VOPP1: variants seen among roughly 807,000 people sequenced by gnomAD.
VOPP1 encodes WW domain binding protein VOPP1.
In VOPP1, 8 loss-of-function variants were observed where a neutral mutation model predicts 23.5. That is an observed-to-expected ratio of 0.34 (90% confidence interval 0.20 to 0.61). The LOEUF is 0.61. Ranked by LOEUF, VOPP1 falls within the 20% of genes least tolerant of loss-of-function variation. The pLI is 0.78. For missense variants in VOPP1, 174 were observed against 238.1 expected, an observed-to-expected ratio of 0.73 and a Z score of 1.77; for synonymous variants, 83 against 97.3, an observed-to-expected ratio of 0.85 and a Z score of 0.86.
downstream of VOPP1, among the ~76,000 whole-genome samples, chr7:55,466,862 C>T (rs1791643955): frequency 6.6e-6 from 1 of 152,168 alleles, no homozygotes; most frequent in African/African-American, 2.4e-5. Flanking sequence ...GTGATGCCAA[C>T]AGCCCACCTC....
At chr7:55,506,828 G>A (rs1234848826) in intron 2 of VOPP1, among the ~76,000 whole-genome samples, 2 of 152,162 alleles carry the variant, frequency 1.3e-5, no homozygotes, top group Admixed American at 6.5e-5. Flanking sequence ...TAGTAGAGAC[G>A]GGGTTTACCC....
chr7:55,567,470 A>T (rs757728023), intron 1 of VOPP1, among the ~76,000 whole-genome samples: 1 of 152,226 alleles, frequency 6.6e-6, no homozygotes, highest in Non-Finnish European at 1.5e-5. Flanking sequence ...TGATAGAGTG[A>T]GTTCTAGGAA....
intron 4 of VOPP1, among the ~76,000 whole-genome samples, chr7:55,443,128 AAAAT>A (rs1241876003): frequency 2.6e-5 from 4 of 152,180 alleles, no homozygotes; most frequent in Admixed American, 6.5e-5. Flanking sequence ...CAAAAAAATA[AAAAT>A]AAATAAACTA....
intron 1 of VOPP1, among the ~76,000 whole-genome samples, chr7:55,525,870 C>A (rs939345925): frequency 2.0e-5 from 3 of 151,196 alleles, no homozygotes; most frequent in Admixed American, 2.0e-4. Context: ...AGGTTTTATG[C>A]CCACTCTGAA....
chr7:55,523,209 G>A (rs995897536), intron 1 of VOPP1, among the ~76,000 whole-genome samples: 4 of 152,172 alleles, frequency 2.6e-5, no homozygotes, highest in Non-Finnish European at 4.4e-5. Flanking sequence ...CCAAGATACA[G>A]TGTTAGTGAA....
At chr7:55,570,991 T>C (rs1003314322) in intron 1 of VOPP1, among the ~76,000 whole-genome samples, 59 of 152,114 alleles carry the variant, frequency 3.9e-4, no homozygotes, top group African/African-American at 1.4e-3. Context: ...ATTGCAAGTA[T>C]AGGTACACAC....
chr7:55,521,233 C>T, intron 1 of VOPP1, 103 bp from the exon 2 acceptor site: 6 of 1,218,082 alleles, frequency 4.9e-6, no homozygotes, highest in Non-Finnish European at 7.0e-6. Context: ...CACAGCTTAA[C>T]CCATGAAAAG....
chr7:55,508,747 C>G (rs1794887702), intron 2 of VOPP1, among the ~76,000 whole-genome samples: 1 of 150,820 alleles, frequency 6.6e-6, no homozygotes, highest in Non-Finnish European at 1.5e-5. Flanking sequence ...ATGTCTCTTT[C>G]AGAAACAGTT....
At chr7:55,556,644 C>CT (rs970495803) in intron 1 of VOPP1, among the ~76,000 whole-genome samples, 3 of 151,262 alleles carry the variant, frequency 2.0e-5, no homozygotes, top group Non-Finnish European at 2.9e-5. Flanking sequence ...GAACCCCCCC[C>CT]CAAAACACTT....
rs780340196 is a variant in VOPP1, at chr7:55,497,569, G to A, written c.191+44C>T. ...ACAACACTGATGGGGGGGGGGGGGG[G>A]GCAGAGCTCTCGGGGTAGGGAACAA... On this transcript the variant is annotated intron_variant, in intron 3 of 4. Coordinates refer to ENST00000285279, the MANE Select transcript of VOPP1 (RefSeq NM_030796.5). 1.1e-4 allele frequency: 119 copies of A among 1,132,418 alleles called. No homozygotes were observed. In the African/African-American group the frequency reaches 1.6e-3, roughly 16 times the overall value. The allele number at this position is 1,132,418 out of a possible 1,614,324, so 70.1% of individuals were successfully genotyped here. A position where few individuals can be genotyped will look rare whatever the true frequency, so the allele number is the denominator to read the frequency against.
intron 2 of VOPP1, among the ~76,000 whole-genome samples, chr7:55,507,185 T>C (rs1294744963): frequency 6.6e-6 from 1 of 152,162 alleles, no homozygotes; most frequent in East Asian, 1.9e-4. Flanking sequence ...CTGTGGAAAG[T>C]AGTGGCTCTC....
At chr7:55,470,142 G>A (rs1228508552), downstream of VOPP1, among the ~76,000 whole-genome samples, 5 of 152,226 alleles carry the variant, frequency 3.3e-5, no homozygotes, top group African/African-American at 1.2e-4. Context: ...GCTGGGGTAG[G>A]AGAATTGCTT....
chr7:55,465,590 T>A (rs1397836856), intron 4 of VOPP1, among the ~76,000 whole-genome samples: 1 of 152,238 alleles, frequency 6.6e-6, no homozygotes, highest in Non-Finnish European at 1.5e-5. Flanking sequence ...GTGCTTCAAC[T>A]TCTCAAGGAA....
At chr7:55,527,875 T>C (rs1445253031) in intron 1 of VOPP1, among the ~76,000 whole-genome samples, 3 of 152,078 alleles carry the variant, frequency 2.0e-5, no homozygotes, top group African/African-American at 7.2e-5. Context: ...ATTACAATAG[T>C]ATGGTTTTTA....
intron 1 of VOPP1, among the ~76,000 whole-genome samples, chr7:55,547,819 C>A (rs1797432194): frequency 6.6e-6 from 1 of 152,266 alleles, no homozygotes; most frequent in East Asian, 1.9e-4. Context: ...AGATCTTTTC[C>A]ATTTTACCAC....
chr7:55,471,956 G>A lies in VOPP1; in HGVS notation c.*899C>T, dbSNP rs575804440. 5.2e-5 allele frequency: 8 copies of A among 152,392 alleles called. No homozygotes were observed. The highest frequency in any genetic ancestry group is 1.0e-4 in the Non-Finnish European group (7 of 68,144). The allele number at this position is 152,392 out of a possible 1,614,324, so 9.4% of individuals were successfully genotyped here. A position where few individuals can be genotyped will look rare whatever the true frequency, so the allele number is the denominator to read the frequency against. The stretch of plus-strand genomic sequence containing the variant: ...CCACTGGAGCTGCCTGAGGGAAGGA[G>A]ACCCCCGGGCCTGAGAATGCCCTGG... On this transcript the variant is annotated 3_prime_UTR_variant, in exon 5 of 5. Coordinates refer to ENST00000285279, the MANE Select transcript of VOPP1 (RefSeq NM_030796.5).
chr7:55,515,057 C>T (rs557004168), intron 2 of VOPP1, among the ~76,000 whole-genome samples: 1 of 152,196 alleles, frequency 6.6e-6, no homozygotes, highest in African/African-American at 2.4e-5. Flanking sequence ...CAGGCACGCC[C>T]TGTCACCTCC....
At chr7:55,494,475 A>G (rs1269354937) in intron 3 of VOPP1, among the ~76,000 whole-genome samples, 1 of 152,142 alleles carries the variant, frequency 6.6e-6, no homozygotes, top group Non-Finnish European at 1.5e-5. Context: ...TAGTAAGAAC[A>G]TTTTGTTTTT....
chr7:55,560,029 T>C (rs1037638054), intron 1 of VOPP1, among the ~76,000 whole-genome samples: 2 of 152,208 alleles, frequency 1.3e-5, no homozygotes, highest in African/African-American at 2.4e-5. Flanking sequence ...GGCGCACGCC[T>C]GTAGTCCCCG....
Sources: allele counts gnomAD v4.1 joint callset (sites outside exome capture counted in the v4.1 genomes callset), GRCh38; gene constraint gnomAD v4.1.1; transcripts MANE v1.5; gene names NCBI Gene and HGNC (gene_info 2026-07-23, HGNC 2026-07-21).